The following PDE4D variants were observed in gnomAD, a reference collection of about 807,000 sequenced individuals.
The protein encoded by PDE4D is phosphodiesterase 4D.
Under a neutral mutation model 87.4 loss-of-function variants are expected in PDE4D, and 24 were observed. That is an observed-to-expected ratio of 0.27 (90% CI 0.20 to 0.39). The LOEUF (loss-of-function observed/expected upper bound fraction) is 0.39, where lower values mean the gene tolerates loss of function less well. PDE4D is among the 10% of genes least tolerant of loss of function. The pLI, the probability that PDE4D is intolerant of heterozygous loss-of-function variation, is 1.00. For synonymous variants in PDE4D, 384 were observed against 383.2 expected (o/e 1.00, Z -0.02); for missense variants, 714 against 1,041.0 (o/e 0.69, Z 4.32).
At chr5:59,108,906 C>CAA (rs57209544) in intron 5 of PDE4D, among the ~76,000 whole-genome samples, 7 of 86,376 alleles carry the variant, frequency 8.1e-5, no homozygotes, top group African/African-American at 2.8e-4. Flanking sequence ...GATTCCTTCT[C>CAA]AAAAAAAAAA....
intron 1 of PDE4D, among the ~76,000 whole-genome samples, chr5:59,795,402 C>T (rs1463206418): frequency 1.3e-5 from 2 of 152,006 alleles, no homozygotes; most frequent in Non-Finnish European, 2.9e-5. Context: ...CGGTGGATCA[C>T]GCTGAAAGAA....
chr5:59,445,123 T>C (rs938712058), intron 1 of PDE4D, among the ~76,000 whole-genome samples: 6 of 152,186 alleles, frequency 3.9e-5, no homozygotes, highest in African/African-American at 1.2e-4. Flanking sequence ...TATTTTCAAC[T>C]CTTTACGAAG....
Position 59,200,611 on chromosome 5 carries a change from A to C in PDE4D, c.648-7075T>G, listed in dbSNP as rs255458. ...CGTATACATACACGTGTATGTACAG[A>C]TACACGTATACATACACGTGTATGT... On this transcript the variant is annotated intron_variant, in intron 2 of 14. Coordinates refer to ENST00000340635, the MANE Select transcript of PDE4D (RefSeq NM_001104631.2). 1.2e-3 allele frequency among the ~76,000 whole-genome samples: 148 copies of C among 126,602 alleles called. 4 individuals are homozygous for C. In the East Asian group the frequency reaches 0.022, roughly 19 times the overall value. The allele number at this position is 126,602 out of a possible 152,430, so 83.1% of individuals were successfully genotyped here.
intron 5 of PDE4D, among the ~76,000 whole-genome samples, chr5:59,072,425 T>G (rs953629840): frequency 1.3e-5 from 2 of 152,180 alleles, no homozygotes; most frequent in Admixed American, 1.3e-4. Flanking sequence ...AGCCTTGTGT[T>G]ATCATGAACA....
intron 1 of PDE4D, among the ~76,000 whole-genome samples, chr5:59,486,504 T>C (rs1805177514): frequency 6.6e-6 from 1 of 152,232 alleles, no homozygotes; most frequent in Non-Finnish European, 1.5e-5. Flanking sequence ...CATACAACAC[T>C]TATAAAATAC....
At chr5:60,126,730 C>G (rs1487924507) in intron 2 of PDE4D, among the ~76,000 whole-genome samples, 1 of 152,072 alleles carries the variant, frequency 6.6e-6, no homozygotes, top group African/African-American at 2.4e-5. Flanking sequence ...CTTATTTAGA[C>G]TCTCTCTGTG....
At chr5:59,909,316 C>T (rs554937471) in intron 3 of PDE4D, among the ~76,000 whole-genome samples, 9 of 152,246 alleles carry the variant, frequency 5.9e-5, no homozygotes, top group East Asian at 3.9e-4. Flanking sequence ...GGAGATTATG[C>T]GTCCTCTCCA....
At chr5:59,249,617 G>T (rs993137134) in intron 1 of PDE4D, among the ~76,000 whole-genome samples, 1 of 152,030 alleles carries the variant, frequency 6.6e-6, no homozygotes, top group Non-Finnish European at 1.5e-5. Context: ...ATCCATATAA[G>T]TAATGTTTGA....
chr5:59,625,711 A>G (rs1423416485), intron 1 of PDE4D, among the ~76,000 whole-genome samples: 1 of 152,188 alleles, frequency 6.6e-6, no homozygotes, highest in Non-Finnish European at 1.5e-5. Context: ...AAATTAGAAA[A>G]CATATGCTTT....
chr5:59,142,832 G>T (rs180854752), intron 5 of PDE4D, among the ~76,000 whole-genome samples: 3 of 152,144 alleles, frequency 2.0e-5, no homozygotes, highest in Admixed American at 1.3e-4. Context: ...CAGGAGAATC[G>T]CTTGAAAGCA....
At chr5:59,465,513 C>A (rs900632797) in intron 1 of PDE4D, among the ~76,000 whole-genome samples, 2 of 152,170 alleles carry the variant, frequency 1.3e-5, no homozygotes, top group African/African-American at 4.8e-5. Context: ...CTACACAACA[C>A]TGATTTTTTA....
chr5:59,924,049 A>C (rs935028702), intron 3 of PDE4D, among the ~76,000 whole-genome samples: 1 of 152,210 alleles, frequency 6.6e-6, no homozygotes, highest in Non-Finnish European at 1.5e-5. Context: ...AATAAAAAGA[A>C]TCAGGCAGAA....
intron 2 of PDE4D, among the ~76,000 whole-genome samples, chr5:60,113,360 A>C (rs896993956): frequency 2.6e-5 from 4 of 152,154 alleles, no homozygotes; most frequent in African/African-American, 7.2e-5. Flanking sequence ...AACAAAGATC[A>C]CAAAAGTGAA....
intron 1 of PDE4D, among the ~76,000 whole-genome samples, chr5:59,722,459 T>C (rs1755981439): frequency 6.6e-6 from 1 of 152,212 alleles, no homozygotes; most frequent in South Asian, 2.1e-4. Flanking sequence ...CAAATCTTCA[T>C]TGTCACACAT....
chr5:59,771,530 G>GAA (rs1324037350), intron 1 of PDE4D, among the ~76,000 whole-genome samples: 5 of 146,588 alleles, frequency 3.4e-5, no homozygotes, highest in Non-Finnish European at 7.4e-5. Context: ...AAGAAAGAAA[G>GAA]AAAGAAAGAA....
rs1762093009 is a variant in PDE4D, at chr5:59,762,263, TATATGTGTATATGGGTACAC to T, written c.455+130885_455+130904del. On this transcript the variant is annotated intron_variant, in intron 1 of 14. Coordinates refer to ENST00000340635, the MANE Select transcript of PDE4D (RefSeq NM_001104631.2). Reference sequence around the variant, plus strand: ...ATGTGTATATGGGTACACATATGCGTATATGTGTATATGGGTACACATATGCGTATATGGGTACACATATG... The same window carrying T: ...ATGTGTATATGGGTACACATATGCGTATATGCGTATATGGGTACACATATG... Among the ~76,000 whole-genome samples, 15 of 44,052 alleles carry T rather than the reference TATATGTGTATATGGGTACAC, an allele frequency of 3.4e-4. 1 individual carries two copies. The South Asian group carries it at 7.5e-3, about 22-fold the overall frequency. The allele number at this position is 44,052 out of a possible 152,430, so 28.9% of individuals were successfully genotyped here.
At chr5:60,266,426 G>T (rs1424712573) in intron 1 of PDE4D, among the ~76,000 whole-genome samples, 2 of 152,106 alleles carry the variant, frequency 1.3e-5, no homozygotes, top group African/African-American at 4.8e-5. Flanking sequence ...GAAAAGATTG[G>T]GTTCCAAATA....
intron 1 of PDE4D, among the ~76,000 whole-genome samples, chr5:59,250,544 T>G (rs192610205): frequency 2.6e-5 from 4 of 151,584 alleles, no homozygotes. Flanking sequence ...GTAAGGGTCA[T>G]TGTGCCTTGA....
At chr5:59,035,970 G>T (rs558547615) in intron 6 of PDE4D, among the ~76,000 whole-genome samples, 2 of 152,126 alleles carry the variant, frequency 1.3e-5, no homozygotes, top group Non-Finnish European at 2.9e-5. Context: ...CCTTGGCCAA[G>T]AATTCAATAA....
Sources: gnomAD v4.1 joint callset for allele counts (sites outside exome capture counted in the v4.1 genomes callset) on GRCh38, gnomAD v4.1.1 for gene constraint, MANE v1.5 for transcripts, NCBI Gene and HGNC (gene_info 2026-07-23, HGNC 2026-07-21) for gene names.